The following CFI variants were observed in gnomAD, a reference collection of about 807,000 sequenced individuals.
CFI encodes complement factor I.
In CFI, 66 loss-of-function variants were observed where a neutral mutation model predicts 78.8. That is an observed-to-expected ratio of 0.84 (90% CI 0.69 to 1.03). The LOEUF (loss-of-function observed/expected upper bound fraction) is 1.03, where lower values mean the gene tolerates loss of function less well. CFI is among the 50% of genes least tolerant of loss of function. The probability of loss-of-function intolerance (pLI) is 0.00; values close to 1 mark genes in which losing one functional copy is unlikely to be tolerated. For missense variants in CFI, 706 were observed against 704.5 expected, an observed-to-expected ratio of 1.00 and a Z score of -0.02; for synonymous variants, 250 against 232.6, an observed-to-expected ratio of 1.07 and a Z score of -0.68.
chr4:109,750,195 C>T (rs1046448854), intron 8 of CFI, among the ~76,000 whole-genome samples: 5 of 151,846 alleles, frequency 3.3e-5, no homozygotes, highest in Non-Finnish European at 5.9e-5. Context: ...TGGGGTTTCA[C>T]CATGTTGGCC....
At chr4:109,767,851 T>C (rs1727980247) in intron 1 of CFI, among the ~76,000 whole-genome samples, 1 of 152,150 alleles carries the variant, frequency 6.6e-6, no homozygotes, top group Non-Finnish European at 1.5e-5. Context: ...ATTGCGGCAC[T>C]ATTCACAATA....
intron 1 of CFI, among the ~76,000 whole-genome samples, chr4:109,776,883 G>T (rs1446273689): frequency 6.6e-6 from 1 of 152,242 alleles, no homozygotes; most frequent in Non-Finnish European, 1.5e-5. Flanking sequence ...AGCTTCATAA[G>T]TGAAGGAGAA....
intron 10 of CFI, among the ~76,000 whole-genome samples, chr4:109,748,734 G>A (rs879245700): frequency 6.6e-6 from 1 of 152,164 alleles, no homozygotes; most frequent in Non-Finnish European, 1.5e-5. Flanking sequence ...GATTGGCAAA[G>A]GTTAGCAGAG....
chr4:109,768,449 C>T (rs560918063), intron 1 of CFI, among the ~76,000 whole-genome samples: 1 of 151,972 alleles, frequency 6.6e-6, no homozygotes, highest in Admixed American at 6.5e-5. Flanking sequence ...ACGTGAATTT[C>T]CTCATCGTAA....
Position 109,741,096 on chromosome 4 carries a change from A to G in CFI, c.1549T>C (p.Ser517Pro). ...EMECAGTYDG[S>P]IDACKGDSGG... is the part of the protein sequence containing the mutation. Reference sequence around the variant, plus strand: ...GAGTCCCCTTTACAGGCATCGATGGAACCATCATATGTACCTAAGAAAGAA... The same window carrying G: ...GAGTCCCCTTTACAGGCATCGATGGGACCATCATATGTACCTAAGAAAGAA... The change falls in exon 13 of 13, where the codon TCC (serine) becomes CCC (proline). Residue 517 changes from serine to proline, a missense_variant. Ser to Pro is a moderately conservative substitution (Grantham distance 74). Transcript: ENST00000394634. The G allele has an allele frequency of 6.2e-7, 1 of 1,614,130 alleles. No individual in the cohort carries two copies. The highest frequency in any genetic ancestry group is 8.5e-7 in the Non-Finnish European group (1 of 1,179,978).
At chr4:109,798,618 A>G (rs1202815888) in intron 1 of CFI, among the ~76,000 whole-genome samples, 1 of 151,690 alleles carries the variant, frequency 6.6e-6, no homozygotes, top group South Asian at 2.1e-4. Context: ...ATACTTTCTC[A>G]TATCTTTGCA....
At chr4:109,733,948 T>C in the CFI span, among the ~76,000 whole-genome samples, 1 of 152,064 alleles carries the variant, frequency 6.6e-6, no homozygotes, top group Non-Finnish European at 1.5e-5. Flanking sequence ...GGCTGGCAGA[T>C]CGCCTGAGTC....
chr4:109,756,953 G>GAAAGA (rs1561297957), intron 7 of CFI, among the ~76,000 whole-genome samples: 2 of 138,926 alleles, frequency 1.4e-5, no homozygotes, highest in African/African-American at 5.3e-5. Flanking sequence ...AAGAAAGAAA[G>GAAAGA]AAAGAAAGAA....
intron 1 of CFI, among the ~76,000 whole-genome samples, chr4:109,786,710 G>C (rs1212998625): frequency 6.6e-6 from 1 of 152,072 alleles, no homozygotes; most frequent in African/African-American, 2.4e-5. Context: ...TTATCCTTCT[G>C]ATCCTGTTCC....
intron 11 of CFI, among the ~76,000 whole-genome samples, chr4:109,745,467 C>G (rs1724299123): frequency 6.6e-6 from 1 of 152,148 alleles, no homozygotes; most frequent in South Asian, 2.1e-4. Flanking sequence ...ATGCCCAGCC[C>G]AAGGTTAAAT....
At chr4:109,754,429 A>AAG (rs1207971338) in intron 7 of CFI, among the ~76,000 whole-genome samples, 1 of 129,522 alleles carries the variant, frequency 7.7e-6, no homozygotes, top group African/African-American at 2.8e-5. Flanking sequence ...AAAAAAAAGA[A>AAG]TCTTCTTTTT....
chr4:109,756,457 A>G (rs1426831675), intron 7 of CFI, among the ~76,000 whole-genome samples: 1 of 148,690 alleles, frequency 6.7e-6, no homozygotes, highest in African/African-American at 2.4e-5. Context: ...AGGAGGAGGA[A>G]GAGGAGGAGG....
intron 4 of CFI, 133 bp from the exon 5 acceptor site, chr4:109,760,769 T>C: frequency 1.4e-6 from 1 of 692,680 alleles, no homozygotes. Flanking sequence ...GTATTGGTAT[T>C]ATCAACATAG....
chr4:109,741,135 A>G (rs575050334), intron 12 of CFI, 25 bp from the exon 13 acceptor site: 315 of 1,613,328 alleles, frequency 2.0e-4, no homozygotes, highest in Admixed American at 4.7e-4. Flanking sequence ...TGAAAGAGAA[A>G]ATCACACATT....
intron 4 of CFI, 131 bp from the exon 5 acceptor site, chr4:109,760,767 A>G: frequency 2.9e-6 from 2 of 693,580 alleles, no homozygotes; most frequent in Non-Finnish European, 2.6e-6. Context: ...ACGTATTGGT[A>G]TTATCAACAT....
At chr4:109,737,203 G>T (rs1723421289), downstream of CFI, among the ~76,000 whole-genome samples, 2 of 151,884 alleles carry the variant, frequency 1.3e-5, no homozygotes, top group Admixed American at 6.6e-5. Flanking sequence ...ATCCTTTAAT[G>T]GTCCAAACTC....
At chr4:109,750,857 T>C (rs1349896349) in intron 8 of CFI, among the ~76,000 whole-genome samples, 2 of 152,232 alleles carry the variant, frequency 1.3e-5, no homozygotes, top group African/African-American at 2.4e-5. Flanking sequence ...TGTTAGCTTC[T>C]GATTAACCCC....
At chr4:109,768,628 A>C (rs1383395886) in intron 1 of CFI, among the ~76,000 whole-genome samples, 1 of 152,154 alleles carries the variant, frequency 6.6e-6, no homozygotes, top group Non-Finnish European at 1.5e-5. Flanking sequence ...TCTGCGAAGA[A>C]AAGCCAATGC....
rs1579173999 is a variant in CFI, at chr4:109,749,248, C to G, written c.1118G>C (p.Cys373Ser). ...ITCGGIYIGGCWILTAAHCLR... is the reference protein window; with the variant it reads ...ITCGGIYIGGSWILTAAHCLR... ...ACAATGTGCAGCAGTCAGAATCCAA[C>G]AGCCACCAATATAAATTCCCCCACA... The change falls in exon 10 of 13, where the codon TGT becomes TCT. Residue 373 changes from cysteine to serine, a missense_variant. Cys to Ser is a moderately radical substitution (Grantham distance 112). Coordinates refer to ENST00000394634, the MANE Select transcript of CFI (RefSeq NM_000204.5). 1 of 1,614,172 alleles carries G rather than the reference C, an allele frequency of 6.2e-7. No homozygotes were observed. The highest frequency in any genetic ancestry group is 8.5e-7 in the Non-Finnish European group (1 of 1,179,996).
Sources: allele counts gnomAD v4.1 joint callset (sites outside exome capture counted in the v4.1 genomes callset), GRCh38; gene constraint gnomAD v4.1.1; transcripts MANE v1.5; gene names NCBI Gene and HGNC (gene_info 2026-07-23, HGNC 2026-07-21).